Variants in AGBL1 observed in about 807,000 individuals in gnomAD.
AGBL1 encodes AGBL carboxypeptidase 1.
In AGBL1, 130 loss-of-function variants were observed where a neutral mutation model predicts 118.9. The observed-to-expected ratio is 1.09, with a 90% CI of 0.95 to 1.26. The LOEUF is 1.26. AGBL1 is among the 50% of genes most tolerant of loss of function. AGBL1 has a pLI of 0.00. For synonymous variants in AGBL1, 555 were observed against 478.9 expected, an observed-to-expected ratio of 1.16 and a Z score of -2.08; for missense variants, 1,584 against 1,298.1, an observed-to-expected ratio of 1.22 and a Z score of -3.38.
intron 21 of AGBL1, among the ~76,000 whole-genome samples, chr15:86,609,564 G>A (rs981185615): frequency 2.6e-5 from 4 of 152,080 alleles, no homozygotes; most frequent in African/African-American, 7.2e-5. Context: ...CGTTTTAGTC[G>A]ATCCAGGTTA....
Position 86,645,050 on chromosome 15 carries a change from CAAAA to C in AGBL1, c.2995-29218_2995-29215del, listed in dbSNP as rs201050132. 1.5e-4 allele frequency among the ~76,000 whole-genome samples: 22 copies of C among 150,130 alleles called. No individual in the cohort carries two copies. The South Asian group carries it at 4.4e-3, about 30-fold the overall frequency. On this transcript the variant is annotated intron_variant, in intron 21 of 22. Transcript: ENST00000614907. ...CAAACAAACAAACAAAAAACAAAAA[CAAAA>C]AAAAGGAGAAGCTTTGATGAACAAA...
At chr15:86,202,166 G>A (rs1285498387) in intron 5 of AGBL1, among the ~76,000 whole-genome samples, 25 of 152,214 alleles carry the variant, frequency 1.6e-4, no homozygotes, top group African/African-American at 4.8e-4. Context: ...GGTGGTGTGC[G>A]CCTGTAATCC....
chr15:86,176,915 A>G (rs7169987), intron 5 of AGBL1, among the ~76,000 whole-genome samples: 126,249 of 152,072 alleles, frequency 0.83, 52,703 homozygotes, highest in African/African-American at 0.89. Flanking sequence ...TCCCTGCATT[A>G]TGGAGTTTCT....
intron 1 of AGBL1, among the ~76,000 whole-genome samples, chr15:86,097,933 C>T (rs1432364314): frequency 6.6e-6 from 1 of 152,104 alleles, no homozygotes; most frequent in Non-Finnish European, 1.5e-5. Flanking sequence ...TACACTCCCA[C>T]CAAATGCATA....
chr15:86,866,566 A>G (rs75545775), intron 22 of AGBL1, among the ~76,000 whole-genome samples: 5,784 of 152,250 alleles, frequency 0.038, 158 homozygotes, highest in Middle Eastern at 0.082. Flanking sequence ...ATAGAATACT[A>G]CCTCTGGCCG....
intron 21 of AGBL1, among the ~76,000 whole-genome samples, chr15:86,626,148 C>G (rs2084884212): frequency 6.6e-6 from 1 of 152,156 alleles, no homozygotes; most frequent in Non-Finnish European, 1.5e-5. Context: ...CCAGCAATCC[C>G]ATTACTGAGT....
intron 23 of AGBL1, among the ~76,000 whole-genome samples, chr15:86,982,273 G>T (rs1404171148): frequency 1.3e-5 from 2 of 152,072 alleles, no homozygotes; most frequent in Non-Finnish European, 2.9e-5. Context: ...ATTAAGCAGA[G>T]AACATATATT....
intron 1 of AGBL1, among the ~76,000 whole-genome samples, chr15:86,097,023 C>G (rs1896420171): frequency 6.6e-6 from 1 of 152,146 alleles, no homozygotes; most frequent in Admixed American, 6.5e-5. Flanking sequence ...AGACCCTGTA[C>G]TGAGACGCTC....
chr15:86,248,332 G>A (rs2078755193), intron 7 of AGBL1, among the ~76,000 whole-genome samples: 1 of 152,050 alleles, frequency 6.6e-6, no homozygotes, highest in African/African-American at 2.4e-5. Context: ...AACAGCAACG[G>A]CAACAATAAA....
At chr15:86,362,209 TTA>T (rs111326989) in intron 17 of AGBL1, among the ~76,000 whole-genome samples, 19,826 of 152,200 alleles carry the variant, frequency 0.13, 1,390 homozygotes, top group Admixed American at 0.17. Flanking sequence ...CTCACACATT[TTA>T]TGTTATTGAA....
At chr15:86,654,046 G>A (rs1277440680) in intron 21 of AGBL1, among the ~76,000 whole-genome samples, 1 of 152,152 alleles carries the variant, frequency 6.6e-6, no homozygotes, top group Admixed American at 6.6e-5. Context: ...TTTCTTCACA[G>A]GAAAACCTCT....
chr15:86,931,137 T>C (rs1382094540), intron 23 of AGBL1, among the ~76,000 whole-genome samples: 2 of 152,230 alleles, frequency 1.3e-5, no homozygotes, highest in Non-Finnish European at 2.9e-5. Flanking sequence ...ACCCCAAGTC[T>C]TTAGACAATG....
chr15:86,664,276 A>G (rs898834560), intron 21 of AGBL1, among the ~76,000 whole-genome samples: 2 of 152,192 alleles, frequency 1.3e-5, no homozygotes, highest in African/African-American at 4.8e-5. Context: ...TGAAAGCATT[A>G]GAGTCCATTT....
intron 4 of AGBL1, among the ~76,000 whole-genome samples, chr15:86,157,129 C>T (rs2077203342): frequency 6.6e-6 from 1 of 152,054 alleles, no homozygotes; most frequent in South Asian, 2.1e-4. Context: ...TCTTAATAAA[C>T]ATGGAGGATT....
intron 23 of AGBL1, among the ~76,000 whole-genome samples, chr15:86,932,322 C>A (rs1387227326): frequency 6.6e-6 from 1 of 152,196 alleles, no homozygotes; most frequent in Admixed American, 6.5e-5. Flanking sequence ...ACTTTAGGCT[C>A]TGTCAACACA....
intron 22 of AGBL1, among the ~76,000 whole-genome samples, chr15:86,804,395 A>G (rs2078690653): frequency 1.3e-5 from 2 of 152,168 alleles, no homozygotes. Context: ...TCAATACAGA[A>G]CTTTCTGAAG....
intron 23 of AGBL1, among the ~76,000 whole-genome samples, chr15:86,949,408 C>G (rs1468071790): frequency 6.6e-6 from 1 of 152,058 alleles, no homozygotes; most frequent in Non-Finnish European, 1.5e-5. Context: ...AATTTTCAAA[C>G]TTTTGGAGCC....
chr15:86,829,653 G>C (rs1283447098), intron 22 of AGBL1, among the ~76,000 whole-genome samples: 1 of 152,162 alleles, frequency 6.6e-6, no homozygotes, highest in Non-Finnish European at 1.5e-5. Context: ...AGGAATGGCT[G>C]AGCTTGTTGC....
Position 86,257,884 on chromosome 15 carries a change from C to T in AGBL1, c.902-80C>T. On this transcript the variant is annotated intron_variant, in intron 8 of 22. Transcript: ENST00000614907. ...ATTTGAGAGAGGAAGAAGAAAGAAC[C>T]ACTGTATGGTGAAAATCTAAATCCT... 4 of 1,374,894 alleles carry T rather than the reference C, an allele frequency of 2.9e-6. 1 individual carries two copies. In the Admixed American group the frequency reaches 5.8e-5, roughly 20 times the overall value. The allele number at this position is 1,374,894 out of a possible 1,614,324, so 85.2% of individuals were successfully genotyped here. A position where few individuals can be genotyped will look rare whatever the true frequency, so the allele number is the denominator to read the frequency against.
Sources: gnomAD v4.1 joint callset for allele counts (sites outside exome capture counted in the v4.1 genomes callset) on GRCh38, gnomAD v4.1.1 for gene constraint, MANE v1.5 for transcripts, NCBI Gene and HGNC (gene_info 2026-07-23, HGNC 2026-07-21) for gene names.